Variants in ATM observed in about 807,000 individuals in gnomAD.
The protein encoded by ATM is serine-protein kinase ATM.
A neutral mutation model predicts 387.0 loss-of-function variants in ATM; 308 were observed. That is an observed-to-expected ratio of 0.80 (90% confidence interval 0.73 to 0.87). ATM has a LOEUF of 0.87. Among genes scored for constraint, ATM ranks in the 40% least tolerant of loss-of-function variants. The pLI, the probability that ATM is intolerant of heterozygous loss-of-function variation, is 0.00. For missense variants in ATM, 3,312 were observed against 3,560.9 expected, an observed-to-expected ratio of 0.93 and a Z score of 1.78; for synonymous variants, 1,156 against 1,187.3, an observed-to-expected ratio of 0.97 and a Z score of 0.54.
In ATM at chr11:108,310,329, G is replaced by T. The variant is rs2136020496; in HGVS notation, c.5918+14G>T. 6.2e-7 allele frequency: 1 copy of T among 1,610,498 alleles called. No homozygotes were observed. The highest frequency in any genetic ancestry group is 8.5e-7 in the Non-Finnish European group (1 of 1,177,728). On this transcript the variant is annotated intron_variant, in intron 39 of 62. Transcript: ENST00000675843. ...TCAAGAGAAAAGGTAATGGAATTTAGAATTTTTGGTTTTTAAAATTAATGT... is the reference window on the plus strand; with the variant it reads ...TCAAGAGAAAAGGTAATGGAATTTATAATTTTTGGTTTTTAAAATTAATGT...
intron 56 of ATM, among the ~76,000 whole-genome samples, chr11:108,341,512 T>C (rs1189344287): frequency 2.0e-5 from 3 of 152,160 alleles, no homozygotes; most frequent in Non-Finnish European, 4.4e-5. Context: ...GTGTGTAACA[T>C]GTAATACGCC....
intron 47 of ATM, 109 bp from the exon 48 acceptor site, chr11:108,327,536 C>T (rs889471797): frequency 1.2e-6 from 1 of 846,696 alleles, no homozygotes; most frequent in Non-Finnish European, 1.9e-6. Context: ...TTTTTTCCCA[C>T]CCACCAAGGA....
At chr11:108,334,490 G>A (rs1447136247) in intron 54 of ATM, among the ~76,000 whole-genome samples, 2 of 152,192 alleles carry the variant, frequency 1.3e-5, no homozygotes, top group Non-Finnish European at 2.9e-5. Context: ...AGGGATATAT[G>A]TAATAAGGGT....
chr11:108,318,295 G>A (rs1026907077), intron 43 of ATM, among the ~76,000 whole-genome samples: 5 of 151,900 alleles, frequency 3.3e-5, no homozygotes, highest in African/African-American at 1.2e-4. Flanking sequence ...ACGGGAGACG[G>A]AGGTTGCAGT....
chr11:108,259,553 T>C (rs1237024272), intron 16 of ATM, among the ~76,000 whole-genome samples: 4 of 152,204 alleles, frequency 2.6e-5, no homozygotes, highest in Non-Finnish European at 5.9e-5. Flanking sequence ...TGGGGAAATA[T>C]ACCTGATTGC....
At chr11:108,239,250 A>G (rs1465331725) in intron 5 of ATM, among the ~76,000 whole-genome samples, 1 of 152,160 alleles carries the variant, frequency 6.6e-6, no homozygotes, top group Non-Finnish European at 1.5e-5. Context: ...TGCAGCCCCA[A>G]AGAGGGCCCT....
At chr11:108,332,965 G>GGCTCTATAAC in intron 53 of ATM, 65 bp downstream of exon 53, 1 of 1,551,316 alleles carries the variant, frequency 6.4e-7, no homozygotes, top group Non-Finnish European at 8.8e-7. Flanking sequence ...AGATATATTA[G>GGCTCTATAAC]TTATAGAGCC....
chr11:108,237,727 G>A (rs906278250), intron 5 of ATM, among the ~76,000 whole-genome samples: 1 of 151,926 alleles, frequency 6.6e-6, no homozygotes, highest in Non-Finnish European at 1.5e-5. Flanking sequence ...CTAAGATTGA[G>A]TCAGCATTTG....
chr11:108,292,452 A>C (rs1301574883), intron 29 of ATM, among the ~76,000 whole-genome samples, 167 bp from the exon 30 acceptor site: 1 of 152,182 alleles, frequency 6.6e-6, no homozygotes, highest in Non-Finnish European at 1.5e-5. Context: ...CCTATTCTGC[A>C]TTTTGCTGAT....
intron 9 of ATM, 69 bp downstream of exon 9, chr11:108,249,171 C>G (rs2135298102): frequency 3.9e-6 from 6 of 1,554,048 alleles, no homozygotes; most frequent in Non-Finnish European, 5.3e-6. Context: ...AGAAAACTTT[C>G]AGTGGAATCC....
intron 56 of ATM, among the ~76,000 whole-genome samples, chr11:108,341,612 G>A (rs923682259): frequency 1.3e-5 from 2 of 152,088 alleles, no homozygotes; most frequent in South Asian, 2.1e-4. Flanking sequence ...ATTTAAAAAT[G>A]TATAGAACTA....
At chr11:108,311,049 C>T (rs2136035739) in intron 39 of ATM, among the ~76,000 whole-genome samples, 1 of 152,280 alleles carries the variant, frequency 6.6e-6, no homozygotes, top group African/African-American at 2.4e-5. Context: ...CTCACTGTAG[C>T]CTTGATCTTC....
chr11:108,330,456 C>A (rs774639787), intron 50 of ATM, 35 bp downstream of exon 50: 1 of 1,603,596 alleles, frequency 6.2e-7, no homozygotes, highest in East Asian at 2.2e-5. Flanking sequence ...CTACCCTGTG[C>A]TTGAAAAACT....
At chr11:108,272,007 T>C (rs2081610908) in intron 20 of ATM, among the ~76,000 whole-genome samples, 1 of 152,154 alleles carries the variant, frequency 6.6e-6, no homozygotes, top group Admixed American at 6.5e-5. Flanking sequence ...TGAGCAGCTA[T>C]GATTACAGGC....
chr11:108,270,705 T>A (rs546155050), intron 18 of ATM, among the ~76,000 whole-genome samples: 70 of 148,124 alleles, frequency 4.7e-4, no homozygotes, highest in African/African-American at 1.8e-3. Flanking sequence ...TTAAAAAAAA[T>A]TTTTTTTTGA....
chr11:108,263,758 A>G (rs2081052242), intron 16 of ATM, among the ~76,000 whole-genome samples: 5 of 144,192 alleles, frequency 3.5e-5, no homozygotes, highest in Admixed American at 2.8e-4. Context: ...AAAAAAAGAG[A>G]GAAGAATCAA....
At chr11:108,297,059 CATTTT>C in intron 32 of ATM, 2 of 506,016 alleles carry the variant, frequency 4.0e-6, no homozygotes, top group East Asian at 7.1e-5. Flanking sequence ...TTGTTTAAGA[CATTTT>C]ATTTTCTCTG....
chr11:108,299,817 T>G lies in ATM; in HGVS notation c.5109T>G (p.Phe1703Leu). ...CTTATACCAAGGCCCTTAAGTTATT[T>G]GAAGATAAAGAACTTCAGTGGACCT... ...DASYTKALKL[F>L]EDKELQWTFI... Residue 1703 changes from phenylalanine (F) to leucine (L), a missense_variant, in exon 34 of 63, where the codon TTT (phenylalanine) becomes TTG (leucine). By Grantham distance (22) the Phe-to-Leu change is conservative. Around this residue, in one of 4 missense-constraint regions of ATM, gnomAD observed 1,405 missense variants for 1,604.4 expected, o/e 0.88. Transcript: ENST00000675843. 6.2e-7 allele frequency: 1 copy of G among 1,614,024 alleles called. No homozygotes were observed. Among genetic ancestry groups the G allele is most frequent in the Non-Finnish European group, 8.5e-7 (1 of 1,179,946 alleles).
rs771382172 is a variant in ATM, at chr11:108,326,162, G to A, written c.6912G>A (p.Glu2304=). The A allele has an allele frequency of 6.2e-7, 1 of 1,614,132 alleles. No individual in the cohort carries two copies. Among genetic ancestry groups the A allele is most frequent in the South Asian group, 1.1e-5 (1 of 91,092 alleles). The change falls in exon 47 of 63, where the codon GAG becomes GAA. Residue 2304 remains glutamate, a synonymous_variant. Transcript: ENST00000675843. ...CACAAGTATTCTGGGCAAAAAAGGAGCAGAGTCTTGCCCTGAGTATTCTCA... is the reference window on the plus strand; with the variant it reads ...CACAAGTATTCTGGGCAAAAAAGGAACAGAGTCTTGCCCTGAGTATTCTCA... ...EEAQVFWAKK[E]QSLALSILKQ... is the part of the protein sequence containing the mutation.
Sources: allele counts gnomAD v4.1 joint callset (sites outside exome capture counted in the v4.1 genomes callset), GRCh38; gene constraint gnomAD v4.1.1; regional missense constraint gnomAD v4.1.1; transcripts MANE v1.5; gene names NCBI Gene and HGNC (gene_info 2026-07-23, HGNC 2026-07-21).